MTA3: variants seen among roughly 807,000 people sequenced by gnomAD.
MTA3 encodes the protein metastasis-associated protein MTA3.
A neutral mutation model predicts 83.5 loss-of-function variants in MTA3; 34 were observed. The ratio of observed to expected loss-of-function variants is 0.41; its 90% CI spans 0.31 to 0.54. The LOEUF (loss-of-function observed/expected upper bound fraction) is 0.54. Ranked by LOEUF, MTA3 falls within the 20% of genes least tolerant of loss-of-function variation. MTA3 has a pLI of 0.33. For synonymous variants in MTA3, 303 were observed against 252.7 expected, an observed-to-expected ratio of 1.20 and a Z score of -1.89; for missense variants, 761 against 726.4, an observed-to-expected ratio of 1.05 and a Z score of -0.55.
chr2:42,697,713 A>T, intron 10 of MTA3, 63 bp from the exon 11 acceptor site: 1 of 1,128,466 alleles, frequency 8.9e-7, no homozygotes, highest in Non-Finnish European at 1.3e-6. Context: ...AATTTTTAAG[A>T]CAATGAACAG....
rs138608976 is a variant in MTA3 at position 42,555,790 on chromosome 2, G to T, written c.-140-14647G>T. On this transcript the variant is annotated intron_variant, in intron 2 of 17. Coordinates refer to the MTA3 transcript ENST00000405592. ...CTCAAAAAGAAAGAAAGAAAGAAAA[G>T]GCCAGGCACGGTGGCTCACGCCTGT... Among the ~76,000 whole-genome samples, 267 of 144,928 alleles carry T rather than the reference G, an allele frequency of 1.8e-3. 5 individuals carry two copies. Among genetic ancestry groups the T allele is most frequent in the African/African-American group, 6.6e-3 (256 of 38,884 alleles).
At chr2:42,673,771 C>A (rs1203560696) in intron 8 of MTA3, among the ~76,000 whole-genome samples, 1 of 152,146 alleles carries the variant, frequency 6.6e-6, no homozygotes, top group Non-Finnish European at 1.5e-5. Flanking sequence ...CCTTTACAGC[C>A]CTGCATTATT....
chr2:42,589,296 TATGTA>T (rs1310256759), intron 3 of MTA3, among the ~76,000 whole-genome samples: 1 of 152,192 alleles, frequency 6.6e-6, no homozygotes, highest in East Asian at 1.9e-4. Context: ...CATACTTAAA[TATGTA>T]TTTAAATACA....
chr2:42,674,449 A>G (rs2104416237), intron 8 of MTA3, among the ~76,000 whole-genome samples: 1 of 152,362 alleles, frequency 6.6e-6, no homozygotes, highest in African/African-American at 2.4e-5. Context: ...TTTTTGGCAG[A>G]GAGAACAGCT....
chr2:42,502,796 T>TAAAAAAAA (rs1674453033), intron 2 of MTA3, among the ~76,000 whole-genome samples: 5 of 28,248 alleles, frequency 1.8e-4, no homozygotes, highest in Admixed American at 2.7e-4. Context: ...AAACTCTGTC[T>TAAAAAAAA]CAAAAAAAAA....
At chr2:42,621,915 C>T (rs1407732169) in intron 4 of MTA3, among the ~76,000 whole-genome samples, 1 of 146,118 alleles carries the variant, frequency 6.8e-6, no homozygotes, top group Non-Finnish European at 1.5e-5. Context: ...CTCCTCACTT[C>T]TCAGACTGGG....
At chr2:42,630,661 G>C (rs549139369) in intron 4 of MTA3, among the ~76,000 whole-genome samples, 1 of 151,684 alleles carries the variant, frequency 6.6e-6, no homozygotes, top group Non-Finnish European at 1.5e-5. Flanking sequence ...ATGGATTTTT[G>C]GTTTTTTTAG....
intron 2 of MTA3, among the ~76,000 whole-genome samples, chr2:42,503,479 A>C (rs1341864264): frequency 6.6e-6 from 1 of 152,160 alleles, no homozygotes; most frequent in Non-Finnish European, 1.5e-5. Context: ...GCAGCCCACT[A>C]GATCTCAGCC....
intron 4 of MTA3, among the ~76,000 whole-genome samples, chr2:42,617,184 T>C (rs1164469865): frequency 1.3e-5 from 2 of 152,196 alleles, no homozygotes; most frequent in African/African-American, 4.8e-5. Context: ...TATCCAGTAT[T>C]GGATGGAGAA....
chr2:42,547,451 G>A (rs541164014), intron 2 of MTA3, among the ~76,000 whole-genome samples: 1 of 152,326 alleles, frequency 6.6e-6, no homozygotes, highest in African/African-American at 2.4e-5. Flanking sequence ...CCTCAGCCTC[G>A]TAAGTAGTAG....
intron 4 of MTA3, among the ~76,000 whole-genome samples, chr2:42,632,581 CAA>C (rs1686788317): frequency 1.3e-5 from 2 of 152,082 alleles, no homozygotes; most frequent in Admixed American, 6.5e-5. Flanking sequence ...AGAGTGGTAT[CAA>C]GAGAAGGATA....
chr2:42,556,109 A>C (rs1261137041), intron 2 of MTA3, among the ~76,000 whole-genome samples: 1 of 151,808 alleles, frequency 6.6e-6, no homozygotes, highest in Non-Finnish European at 1.5e-5. Flanking sequence ...AAAAACAAAC[A>C]AAAAAAGAGA....
At chr2:42,611,184 C>T (rs1385732140) in intron 4 of MTA3, among the ~76,000 whole-genome samples, 3 of 151,920 alleles carry the variant, frequency 2.0e-5, no homozygotes, top group Non-Finnish European at 4.4e-5. Context: ...AGGGTTTCGC[C>T]ATGTTGGCCA....
At chr2:42,693,880 G>C (rs186636009) in intron 9 of MTA3, among the ~76,000 whole-genome samples, 5 of 152,228 alleles carry the variant, frequency 3.3e-5, no homozygotes, top group Admixed American at 2.0e-4. Flanking sequence ...TCACACTGTA[G>C]TCAGCACATC....
intron 8 of MTA3, among the ~76,000 whole-genome samples, chr2:42,680,865 A>G (rs1691826995): frequency 6.6e-6 from 1 of 152,008 alleles, no homozygotes; most frequent in African/African-American, 2.4e-5. Flanking sequence ...TGATTTTCTC[A>G]TCTCAGACTC....
intron 3 of MTA3, among the ~76,000 whole-genome samples, chr2:42,606,319 C>T (rs1421333817): frequency 4.1e-5 from 6 of 146,756 alleles, no homozygotes; most frequent in African/African-American, 1.3e-4. Context: ...GGCTGCCGGG[C>T]GGAGAGGCTC....
chr2:42,656,383 T>C (rs1214168115), intron 7 of MTA3, 81 bp downstream of exon 7: 2 of 823,020 alleles, frequency 2.4e-6, no homozygotes, highest in African/African-American at 3.5e-5. Flanking sequence ...TTTATTTCTT[T>C]GTATTCTGCT....
intron 9 of MTA3, among the ~76,000 whole-genome samples, chr2:42,689,622 A>G (rs1169227565): frequency 6.6e-6 from 1 of 151,822 alleles, no homozygotes; most frequent in African/African-American, 2.4e-5. Context: ...CTTCCAAAGG[A>G]TTTGTCCCTT....
intron 2 of MTA3, among the ~76,000 whole-genome samples, chr2:42,562,881 C>G (rs946377483): frequency 6.6e-6 from 1 of 152,180 alleles, no homozygotes; most frequent in African/African-American, 2.4e-5. Flanking sequence ...CACAACCCTT[C>G]CAGCACAGAA....
Sources: allele counts gnomAD v4.1 joint callset (sites outside exome capture counted in the v4.1 genomes callset), GRCh38; gene constraint gnomAD v4.1.1; transcripts MANE v1.5; gene names NCBI Gene and HGNC (gene_info 2026-07-23, HGNC 2026-07-21).